Variants in CWC27 observed in about 807,000 individuals in gnomAD.
The protein encoded by CWC27 is CWC27 spliceosome associated cyclophilin, also known as spliceosome-associated protein CWC27 homolog.
Under a neutral mutation model 63.6 loss-of-function variants are expected in CWC27, and 47 were observed. That is an observed-to-expected ratio of 0.74 (90% CI 0.58 to 0.94). CWC27 has a LOEUF of 0.94. CWC27 is among the 40% of genes least tolerant of loss of function. The pLI is 0.00. For missense variants in CWC27, 495 were observed against 554.3 expected (o/e 0.89, Z 1.07); for synonymous variants, 175 against 179.8 (o/e 0.97, Z 0.22).
At chr5:64,898,343 C>T (rs1747427389) in intron 11 of CWC27, among the ~76,000 whole-genome samples, 1 of 151,686 alleles carries the variant, frequency 6.6e-6, no homozygotes, top group African/African-American at 2.4e-5. Flanking sequence ...AAAACGCAGG[C>T]AAAATTAGCC....
intron 7 of CWC27, among the ~76,000 whole-genome samples, chr5:64,792,286 C>A (rs1268588720): frequency 6.6e-6 from 1 of 152,064 alleles, no homozygotes; most frequent in African/African-American, 2.4e-5. Flanking sequence ...AAGCGAGGGG[C>A]CTGGGAAGCT....
intron 13 of CWC27, among the ~76,000 whole-genome samples, chr5:64,996,422 CAAT>C (rs758027199): frequency 3.3e-5 from 5 of 152,022 alleles, no homozygotes; most frequent in Non-Finnish European, 2.9e-5. Flanking sequence ...CAATTGATCA[CAAT>C]AAGTAAAACG....
intron 12 of CWC27, among the ~76,000 whole-genome samples, chr5:64,973,593 T>A (rs2968199): frequency 0.39 from 58,626 of 152,084 alleles, 11,796 homozygotes; most frequent in Non-Finnish European, 0.45. Context: ...CTTCACACTA[T>A]AACAAATGTG....
chr5:64,873,600 G>A (rs960614922), intron 10 of CWC27, among the ~76,000 whole-genome samples: 4 of 152,054 alleles, frequency 2.6e-5, no homozygotes, highest in African/African-American at 9.7e-5. Context: ...CAGGTGAGTA[G>A]TATGCAAATA....
intron 6 of CWC27, 62 bp downstream of exon 6, chr5:64,786,689 T>C: frequency 1.0e-6 from 1 of 989,470 alleles, no homozygotes; most frequent in Non-Finnish European, 1.5e-6. Flanking sequence ...TTTAGTTTAC[T>C]ATATTTCCTT....
intron 13 of CWC27, among the ~76,000 whole-genome samples, chr5:65,016,530 TTAAAG>T (rs897761024): frequency 7.9e-5 from 12 of 152,046 alleles, no homozygotes; most frequent in African/African-American, 2.7e-4. Flanking sequence ...ATTCAGTAAA[TTAAAG>T]TAGATTCTAG....
At chr5:64,792,910 TGTGA>T (rs763899347) in intron 7 of CWC27, among the ~76,000 whole-genome samples, 6 of 152,324 alleles carry the variant, frequency 3.9e-5, no homozygotes, top group South Asian at 2.1e-4. Context: ...CACTTACTGT[TGTGA>T]GTAAGGATAT....
intron 11 of CWC27, among the ~76,000 whole-genome samples, chr5:64,925,504 T>A (rs939387133): frequency 6.6e-6 from 1 of 152,224 alleles, no homozygotes; most frequent in African/African-American, 2.4e-5. Context: ...ATCTCATTGT[T>A]GATTATTCTA....
intron 7 of CWC27, among the ~76,000 whole-genome samples, chr5:64,794,376 A>T (rs1233691922): frequency 6.6e-6 from 1 of 152,122 alleles, no homozygotes; most frequent in Non-Finnish European, 1.5e-5. Flanking sequence ...TAATAGGAGT[A>T]CATGTAAATT....
chr5:64,983,528 TG>T (rs1749365410), intron 13 of CWC27, among the ~76,000 whole-genome samples: 1 of 152,214 alleles, frequency 6.6e-6, no homozygotes, highest in African/African-American at 2.4e-5. Flanking sequence ...GAGTGTGTAA[TG>T]ATGGTCCTTT....
At chr5:64,983,597 A>G (rs1208503647) in intron 13 of CWC27, among the ~76,000 whole-genome samples, 1 of 152,176 alleles carries the variant, frequency 6.6e-6, no homozygotes, top group African/African-American at 2.4e-5. Context: ...TCCAGGTCCC[A>G]GTTTGTGATC....
intron 11 of CWC27, among the ~76,000 whole-genome samples, chr5:64,889,198 A>T (rs964176941): frequency 6.6e-6 from 1 of 152,124 alleles, no homozygotes; most frequent in Admixed American, 6.5e-5. Flanking sequence ...TCAATCCTAG[A>T]TAGAATCATA....
chr5:64,853,851 C>A (rs928014728), intron 10 of CWC27, among the ~76,000 whole-genome samples: 1 of 152,212 alleles, frequency 6.6e-6, no homozygotes, highest in Non-Finnish European at 1.5e-5. Context: ...AACATCCAAA[C>A]TATATCAACG....
At position 64,880,853 on chromosome 5, in the gene CWC27, C is replaced by CTTTTTTTTTTT. The variant is rs571051416; in HGVS notation, c.939-4590_939-4589insTTTTTTTTTTT. On this transcript the variant is annotated intron_variant, in intron 10 of 13. Transcript: ENST00000381070. ...AGAGTTAGTAACAGTTTATAAAAGCCATTTTTTTTTTTTTTTTTTTTACCA... is the reference window on the plus strand; with the variant it reads ...AGAGTTAGTAACAGTTTATAAAAGCCTTTTTTTTTTTATTTTTTTTTTTTTTTTTTTTACCA... Among the ~76,000 whole-genome samples the CTTTTTTTTTTT allele has an allele frequency of 8.8e-5, 12 of 136,078 alleles. 1 individual carries two copies. The highest frequency in any genetic ancestry group is 7.8e-5 in the Non-Finnish European group (5 of 64,256). 89.3% of individuals were successfully genotyped at this position (136,078 alleles called of 152,430 possible).
intron 11 of CWC27, among the ~76,000 whole-genome samples, chr5:64,886,347 T>C (rs1324911838): frequency 6.6e-6 from 1 of 152,178 alleles, no homozygotes; most frequent in African/African-American, 2.4e-5. Context: ...ATTCAGTGAA[T>C]ATGATCAGAA....
rs927183282 is a variant in CWC27, at chr5:64,769,058, G to A, written c.-89G>A. The stretch of plus-strand genomic sequence containing the variant: ...AGCTTTCCTGCACCACTGGACTTAA[G>A]GAAGAGTGTACTCGTAGGCGGACAG... On this transcript the variant is annotated 5_prime_UTR_variant, in exon 1 of 14. Coordinates refer to ENST00000381070, the MANE Select transcript of CWC27 (RefSeq NM_005869.4). 9.3e-7 allele frequency: 1 copy of A among 1,076,010 alleles called. No homozygotes were observed. Among genetic ancestry groups the A allele is most frequent in the Non-Finnish European group, 1.4e-6 (1 of 696,120 alleles). 66.7% of individuals were successfully genotyped at this position (1,076,010 alleles called of 1,614,324 possible).
At position 64,907,691 on chromosome 5, in the gene CWC27, C is replaced by T. The variant is rs555471074; in HGVS notation, c.1042+22145C>T. Among the ~76,000 whole-genome samples the T allele has an allele frequency of 2.4e-3, 371 of 152,272 alleles. 2 individuals are homozygous for T. Among genetic ancestry groups the T allele is most frequent in the African/African-American group, 8.1e-3 (335 of 41,550 alleles). ...GCCTGATTGCCCTGGCCAGAACTTC[C>T]AACACTATGTTAAATAGGAGTGGTG... On this transcript the variant is annotated intron_variant, in intron 11 of 13. Transcript: ENST00000381070.
chr5:64,809,381 T>G (rs777051437), intron 10 of CWC27, among the ~76,000 whole-genome samples: 3 of 152,192 alleles, frequency 2.0e-5, no homozygotes, highest in Non-Finnish European at 4.4e-5. Flanking sequence ...TTTTTTTTTG[T>G]TTTTGAGACG....
At chr5:64,921,464 C>A (rs891991588) in intron 11 of CWC27, among the ~76,000 whole-genome samples, 2 of 151,954 alleles carry the variant, frequency 1.3e-5, no homozygotes, top group South Asian at 2.1e-4. Context: ...GGTTAAGCGT[C>A]GAGTTTAAGT....
Sources: gnomAD v4.1 joint callset for allele counts (sites outside exome capture counted in the v4.1 genomes callset) on GRCh38, gnomAD v4.1.1 for gene constraint, MANE v1.5 for transcripts, NCBI Gene and HGNC (gene_info 2026-07-23, HGNC 2026-07-21) for gene names.